The following HNRNPF variants were observed in gnomAD, a reference collection of about 807,000 sequenced individuals.
HNRNPF encodes the protein HnRNP F protein.
In HNRNPF, 2 loss-of-function variants were observed where a neutral mutation model predicts 26.0. The ratio of observed to expected loss-of-function variants is 0.08; its 90% CI spans 0.03 to 0.24. The LOEUF is 0.24. Among genes scored for constraint, HNRNPF ranks in the 10% least tolerant of loss-of-function variants. The probability of loss-of-function intolerance (pLI) is 1.00; values close to 1 mark genes in which losing one functional copy is unlikely to be tolerated. For synonymous variants in HNRNPF, 234 were observed against 211.5 expected (o/e 1.11, Z -0.92); for missense variants, 299 against 539.2 (o/e 0.55, Z 4.41).
chr10:43,392,516 G>A (rs563556215), intron 3 of HNRNPF, among the ~76,000 whole-genome samples: 3 of 152,302 alleles, frequency 2.0e-5, no homozygotes, highest in African/African-American at 7.2e-5. Flanking sequence ...TCCAGCCTAG[G>A]CGACAGAGAC....
intron 3 of HNRNPF, among the ~76,000 whole-genome samples, chr10:43,390,734 T>C (rs1838209967): frequency 6.6e-6 from 1 of 152,174 alleles, no homozygotes; most frequent in South Asian, 2.1e-4. Context: ...GACTACTCCA[T>C]GGATGTACTG....
intron 3 of HNRNPF, among the ~76,000 whole-genome samples, chr10:43,389,039 C>G (rs528922496): frequency 6.8e-6 from 1 of 146,842 alleles, no homozygotes; most frequent in African/African-American, 2.5e-5. Flanking sequence ...GGTGCTGTCT[C>G]GGCTCACTGC....
At chr10:43,405,163 T>C (rs576859975) in intron 1 of HNRNPF, among the ~76,000 whole-genome samples, 1 of 152,350 alleles carries the variant, frequency 6.6e-6, no homozygotes, top group African/African-American at 2.4e-5. Context: ...TAAAATTACA[T>C]GCAAAATAGT....
At chr10:43,393,730 A>G (rs1305998167) in intron 3 of HNRNPF, among the ~76,000 whole-genome samples, 1 of 152,204 alleles carries the variant, frequency 6.6e-6, no homozygotes, top group Non-Finnish European at 1.5e-5. Context: ...CCTCAGAACA[A>G]GGACCACAGG....
chr10:43,400,396 C>T (rs780620636), intron 1 of HNRNPF, among the ~76,000 whole-genome samples: 3 of 152,114 alleles, frequency 2.0e-5, no homozygotes, highest in Non-Finnish European at 2.9e-5. Context: ...AATTTTAGGA[C>T]ACAGCTTCTG....
chr10:43,389,426 T>C (rs1378407450), intron 3 of HNRNPF, among the ~76,000 whole-genome samples: 2 of 152,150 alleles, frequency 1.3e-5, no homozygotes, highest in African/African-American at 2.4e-5. Context: ...GTAAGTGTAA[T>C]TTAAGAAAAG....
At position 43,390,517 on chromosome 10, in the gene HNRNPF, TCCA is replaced by T. The variant is rs576062651; in HGVS notation, c.-52-2584_-52-2582del. On this transcript the variant is annotated intron_variant, in intron 3 of 3. Transcript: ENST00000682386. ...CCCCACCTAATCACATCCTACTCCCTCCACCACAACTGCTATCCCCCTCCTTTG... is the reference window on the plus strand; with the variant it reads ...CCCCACCTAATCACATCCTACTCCCTCCACAACTGCTATCCCCCTCCTTTG... Among the ~76,000 whole-genome samples the T allele has an allele frequency of 9.2e-5, 14 of 152,242 alleles. No homozygotes were observed. In the South Asian group the frequency reaches 1.5e-3, roughly 16 times the overall value.
In HNRNPF at chr10:43,386,377, A is replaced by G. The variant is rs144005766; in HGVS notation, c.*260T>C. 395 of 384,090 alleles carry G rather than the reference A, an allele frequency of 1.0e-3. 2 individuals are homozygous for G. The East Asian group carries it at 0.016, about 15-fold the overall frequency. 23.8% of individuals were successfully genotyped at this position (384,090 alleles called of 1,614,324 possible). On this transcript the variant is annotated 3_prime_UTR_variant, in exon 4 of 4. Transcript: ENST00000682386. ...CACATTTAACATACTTAAACTACTT[A>G]AACTTAGATAACATCACTCTGAAGT...
Position 43,402,775 on chromosome 10 carries a change from CAGTA to C in HNRNPF, c.-246-6189_-246-6186del, listed in dbSNP as rs768462479. ...TTATGATGGATTTATCGGGATATAA[CAGTA>C]AGTAAGAGTATCTGTATTTGTATTA... On this transcript the variant is annotated intron_variant, in intron 1 of 3. Transcript: ENST00000682386. Among the ~76,000 whole-genome samples, 7 of 152,232 alleles carry C rather than the reference CAGTA, an allele frequency of 4.6e-5. No homozygotes were observed. The East Asian group carries it at 7.7e-4, about 17-fold the overall frequency.
chr10:43,407,289 C>T (rs1379359002), intron 1 of HNRNPF, among the ~76,000 whole-genome samples: 2 of 151,678 alleles, frequency 1.3e-5, no homozygotes, highest in Non-Finnish European at 2.9e-5. Flanking sequence ...CGTCCCGCCA[C>T]GCAGATGGCC....
At chr10:43,391,004 A>G (rs151102577) in intron 3 of HNRNPF, among the ~76,000 whole-genome samples, 1 of 152,200 alleles carries the variant, frequency 6.6e-6, no homozygotes, top group East Asian at 1.9e-4. Context: ...GTTGTGAAAT[A>G]CTGTAGAAAT....
Position 43,387,938 on chromosome 10 carries a change from T to G in HNRNPF, c.-52-2A>C. The G allele has an allele frequency of 7.0e-7, 1 of 1,436,948 alleles. No homozygotes were observed. Among genetic ancestry groups the G allele is most frequent in the Non-Finnish European group, 9.4e-7 (1 of 1,066,250 alleles). The allele number at this position is 1,436,948 out of a possible 1,614,324, so 89.0% of individuals were successfully genotyped here. A position where few individuals can be genotyped will look rare whatever the true frequency, so the allele number is the denominator to read the frequency against. The stretch of plus-strand genomic sequence containing the variant: ...ATCTTGGGTGTGGCTTTTTTGTGGC[T>G]GGAAAAAAAAAAAAGAAAAATTTAT... On this transcript the variant is annotated splice_acceptor_variant, in intron 3 of 3. Coordinates refer to ENST00000682386, the MANE Select transcript of HNRNPF (RefSeq NM_001098204.2). LOFTEE classifies it low-confidence loss of function (5UTR_SPLICE). This position sits in a 1 kb window ranked among gnomAD's most constrained non-coding sequence, Gnocchi z 6.0.
chr10:43,400,763 G>A (rs551729878), intron 1 of HNRNPF, among the ~76,000 whole-genome samples: 8 of 152,284 alleles, frequency 5.3e-5, no homozygotes, highest in South Asian at 4.1e-4. Context: ...TTCACACAAC[G>A]TGCCAAATTC....
chr10:43,407,483 TG>T (rs1377439887), intron 1 of HNRNPF, among the ~76,000 whole-genome samples: 3 of 151,532 alleles, frequency 2.0e-5, no homozygotes, highest in African/African-American at 4.9e-5. Context: ...GGGGCGGCCT[TG>T]GGGGGAGGGC....
chr10:43,398,637 G>A (rs527841743), intron 1 of HNRNPF, among the ~76,000 whole-genome samples: 10 of 152,116 alleles, frequency 6.6e-5, no homozygotes, highest in African/African-American at 2.2e-4. Flanking sequence ...ACCGCGCCCG[G>A]CCTGTTTTAC....
chr10:43,387,517 G>A lies in HNRNPF; in HGVS notation c.368C>T (p.Thr123Ile). The change falls in exon 4 of 4, where the codon ACA (threonine) becomes ATA (isoleucine). Residue 123 changes from threonine to isoleucine, a missense_variant. Thr to Ile is a moderately conservative substitution (Grantham distance 89, BLOSUM62 -1). Coordinates refer to ENST00000682386, the MANE Select transcript of HNRNPF (RefSeq NM_001098204.2). This position sits in a 1 kb window ranked among gnomAD's most constrained non-coding sequence, Gnocchi z 6.0. ...VRLRGLPFGC[T>I]KEEIVQFFSG... ...GAAGAACTGAACAATTTCTTCCTTT[G>A]TGCATCCAAATGGGAGTCCTCGAAG... is the stretch of plus-strand genomic sequence containing the variant. 6.2e-7 allele frequency: 1 copy of A among 1,614,172 alleles called. No homozygotes were observed. The highest frequency in any genetic ancestry group is 2.2e-5 in the East Asian group (1 of 44,886).
At chr10:43,390,032 A>G (rs1838181075) in intron 3 of HNRNPF, among the ~76,000 whole-genome samples, 1 of 152,196 alleles carries the variant, frequency 6.6e-6, no homozygotes, top group Non-Finnish European at 1.5e-5. Context: ...CACCTTAGAA[A>G]GTAATGGTCT....
Position 43,390,480 on chromosome 10 carries a change from C to G in HNRNPF, c.-52-2544G>C, listed in dbSNP as rs941930135. On this transcript the variant is annotated intron_variant, in intron 3 of 3. Coordinates refer to ENST00000682386, the MANE Select transcript of HNRNPF (RefSeq NM_001098204.2). ...TCCTACCTCCAATGATTTCACCATT[C>G]CCTGCAGGAAACCCCACCTAATCAC... is the stretch of plus-strand genomic sequence containing the variant. Among the ~76,000 whole-genome samples, 7 of 152,172 alleles carry G rather than the reference C, an allele frequency of 4.6e-5. No individual in the cohort carries two copies. The East Asian group carries it at 1.3e-3, about 29-fold the overall frequency.
chr10:43,393,650 T>C (rs1406990506), intron 3 of HNRNPF, among the ~76,000 whole-genome samples: 1 of 151,982 alleles, frequency 6.6e-6, no homozygotes, highest in Middle Eastern at 3.4e-3. Context: ...TGCAATCCCA[T>C]CTACGGCTCA....
Sources: allele counts gnomAD v4.1 joint callset (sites outside exome capture counted in the v4.1 genomes callset), GRCh38; gene constraint gnomAD v4.1.1; non-coding constraint Gnocchi (gnomAD v3.1); transcripts MANE v1.5; gene names NCBI Gene and HGNC (gene_info 2026-07-23, HGNC 2026-07-21).